Variants in FMNL2 observed in about 807,000 individuals in gnomAD.
FMNL2 encodes the protein formin like 2, also known as formin-like protein 2.
In FMNL2, 51 loss-of-function variants were observed where a neutral mutation model predicts 130.2. That is an observed-to-expected ratio of 0.39 (90% CI 0.31 to 0.49). The LOEUF is 0.49. Among genes scored for constraint, FMNL2 ranks in the 20% least tolerant of loss-of-function variants. FMNL2 has a pLI of 0.85. For synonymous variants in FMNL2, 465 were observed against 467.1 expected, an observed-to-expected ratio of 1.00 and a Z score of 0.06; for missense variants, 977 against 1,316.2, an observed-to-expected ratio of 0.74 and a Z score of 3.99.
At chr2:152,471,699 A>G (rs1689866362) in intron 1 of FMNL2, among the ~76,000 whole-genome samples, 1 of 152,062 alleles carries the variant, frequency 6.6e-6, no homozygotes. Flanking sequence ...CATATACTAG[A>G]TGGCTTGGAG....
At position 152,439,419 on chromosome 2, in the gene FMNL2, A is replaced by C. The variant is rs573227386; in HGVS notation, c.118-82524A>C. Among the ~76,000 whole-genome samples, 6 of 152,288 alleles carry C rather than the reference A, an allele frequency of 3.9e-5. No individual in the cohort carries two copies. The East Asian group carries it at 1.2e-3, about 29-fold the overall frequency. On this transcript the variant is annotated intron_variant, in intron 1 of 25. Transcript: ENST00000288670. Reference sequence around the variant, plus strand: ...ATGTGTGTGTTTTGGTTTTTTAATCAAGCCAGGTTTCATTTTCTTACTTTT... The same window carrying C: ...ATGTGTGTGTTTTGGTTTTTTAATCCAGCCAGGTTTCATTTTCTTACTTTT...
At chr2:152,590,798 G>A (rs1170196617) in intron 9 of FMNL2, among the ~76,000 whole-genome samples, 1 of 151,776 alleles carries the variant, frequency 6.6e-6, no homozygotes, top group Non-Finnish European at 1.5e-5. Flanking sequence ...AGGAGTAAGT[G>A]TAAAGATATA....
chr2:152,563,336 T>C (rs1695640412), intron 6 of FMNL2, among the ~76,000 whole-genome samples: 1 of 152,194 alleles, frequency 6.6e-6, no homozygotes, highest in Non-Finnish European at 1.5e-5. Flanking sequence ...AACAGAACAT[T>C]TAAATTTCCT....
At chr2:152,573,621 G>T (rs947888696) in intron 6 of FMNL2, among the ~76,000 whole-genome samples, 1 of 152,104 alleles carries the variant, frequency 6.6e-6, no homozygotes, top group African/African-American at 2.4e-5. Context: ...GTTATTGGTC[G>T]TGATGGAGGT....
rs192336896 is a variant in FMNL2 at position 152,444,283 on chromosome 2, C to A, written c.118-77660C>A. Among the ~76,000 whole-genome samples the A allele has an allele frequency of 5.9e-5, 9 of 152,120 alleles. No individual in the cohort carries two copies. In the South Asian group the frequency reaches 6.2e-4, roughly 11 times the overall value. ...TGAAGATTTGGAAGGGAGAGAAAAG[C>A]TGGATAGAGGCATGTCCATGGGAGT... On this transcript the variant is annotated intron_variant, in intron 1 of 25. Coordinates refer to ENST00000288670, the MANE Select transcript of FMNL2 (RefSeq NM_052905.4).
chr2:152,552,135 A>G (rs1316023552), intron 4 of FMNL2, among the ~76,000 whole-genome samples: 1 of 152,224 alleles, frequency 6.6e-6, no homozygotes, highest in Non-Finnish European at 1.5e-5. Flanking sequence ...AAATTAGTAT[A>G]ATACTTACAT....
rs777915315 is a variant in FMNL2, at chr2:152,628,527, G to A, written c.2394G>A (p.Leu798=). 6.2e-7 allele frequency: 1 copy of A among 1,613,606 alleles called. No homozygotes were observed. The highest frequency in any genetic ancestry group is 1.1e-5 in the South Asian group (1 of 91,076). ...IGNFAESIQM[L]TPQLHAIIAA... ...ACTTTGCTGAAAGCATTCAGATGCT[G>A]ACTCCTGTGAGTGGACTGACTCTGG... is the stretch of plus-strand genomic sequence containing the variant. The change falls in exon 18 of 26, where the codon CTG becomes CTA. Residue 798 remains leucine (L), a synonymous_variant. Coordinates refer to ENST00000288670, the MANE Select transcript of FMNL2 (RefSeq NM_052905.4).
intron 9 of FMNL2, among the ~76,000 whole-genome samples, chr2:152,583,107 A>T (rs1176112222): frequency 6.6e-6 from 1 of 152,226 alleles, no homozygotes; most frequent in Non-Finnish European, 1.5e-5. Context: ...GTATGTGCTT[A>T]ATTGAAGAAA....
Position 152,335,624 on chromosome 2 carries a change from G to C in FMNL2, c.21G>C (p.Met7Ile). The C allele has an allele frequency of 6.3e-7, 1 of 1,591,654 alleles. No individual in the cohort carries two copies. The highest frequency in any genetic ancestry group is 8.6e-7 in the Non-Finnish European group (1 of 1,168,996). Reference protein sequence around the residue: MGNAGSMDSQQTDFRAH... With the variant: MGNAGSIDSQQTDFRAH... ...CCGACATGGGCAACGCAGGGAGCAT[G>C]GATTCGCAGCAGACCGATTTCAGGG... The change falls in exon 1 of 26, where the codon ATG becomes ATC. Residue 7 changes from methionine to isoleucine, a missense_variant. Met to Ile is a conservative substitution (Grantham distance 10, BLOSUM62 1). Around this residue, in one of 4 missense-constraint regions of FMNL2, gnomAD observed 117 missense variants for 134.9 expected, o/e 0.87. Transcript: ENST00000288670.
intron 1 of FMNL2, among the ~76,000 whole-genome samples, chr2:152,452,813 G>T (rs1293984075): frequency 3.6e-5 from 5 of 138,686 alleles, no homozygotes; most frequent in Non-Finnish European, 6.7e-5. Context: ...CAGGTGAGAT[G>T]CAATTAGCCA....
At chr2:152,633,183 C>T (rs1682298930) in intron 21 of FMNL2, among the ~76,000 whole-genome samples, 1 of 151,776 alleles carries the variant, frequency 6.6e-6, no homozygotes, top group African/African-American at 2.4e-5. Context: ...GCAGTCCTGA[C>T]CTCCCAGGCT....
At chr2:152,365,587 C>A (rs903407173) in intron 1 of FMNL2, among the ~76,000 whole-genome samples, 1 of 152,060 alleles carries the variant, frequency 6.6e-6, no homozygotes. Context: ...GCTTGGCCAA[C>A]ATGGTGAAAC....
intron 3 of FMNL2, 23 bp downstream of exon 3, chr2:152,542,842 CTT>C (rs940259682): frequency 1.2e-6 from 2 of 1,610,130 alleles, no homozygotes; most frequent in African/African-American, 2.7e-5. Context: ...TGTTTCCACT[CTT>C]TGTTATTGCT....
chr2:152,499,956 CT>C (rs1440700726), intron 1 of FMNL2, among the ~76,000 whole-genome samples: 1 of 152,072 alleles, frequency 6.6e-6, no homozygotes, highest in Admixed American at 6.6e-5. Flanking sequence ...TTCTGAGTTT[CT>C]TTCTCTTTTT....
At chr2:152,424,483 T>C (rs559751204) in intron 1 of FMNL2, among the ~76,000 whole-genome samples, 4 of 151,586 alleles carry the variant, frequency 2.6e-5, no homozygotes, top group Non-Finnish European at 5.9e-5. Flanking sequence ...CTCCACCTCC[T>C]GGGTTCAAGT....
intron 1 of FMNL2, among the ~76,000 whole-genome samples, chr2:152,400,795 T>C (rs1266367442): frequency 1.3e-5 from 2 of 152,202 alleles, no homozygotes; most frequent in Non-Finnish European, 2.9e-5. Flanking sequence ...CCCAATTATG[T>C]CAACCAAAAA....
intron 1 of FMNL2, among the ~76,000 whole-genome samples, chr2:152,487,067 C>A (rs191667725): frequency 6.6e-6 from 1 of 152,256 alleles, no homozygotes; most frequent in African/African-American, 2.4e-5. Flanking sequence ...ACTCTGTGTT[C>A]TTCATATACC....
At chr2:152,586,451 G>A (rs1019748102) in intron 9 of FMNL2, among the ~76,000 whole-genome samples, 3 of 152,214 alleles carry the variant, frequency 2.0e-5, no homozygotes, top group African/African-American at 7.2e-5. Flanking sequence ...GGAGAGTGAA[G>A]ATTTTGGTGT....
At chr2:152,644,681 C>T (rs1347415454) in intron 25 of FMNL2, among the ~76,000 whole-genome samples, 2 of 152,200 alleles carry the variant, frequency 1.3e-5, no homozygotes, top group African/African-American at 2.4e-5. Flanking sequence ...ATCTCATTCA[C>T]GCATCTTCAC....
Sources: gnomAD v4.1 joint callset for allele counts (sites outside exome capture counted in the v4.1 genomes callset) on GRCh38, gnomAD v4.1.1 for gene constraint, gnomAD v4.1.1 regional missense constraint, MANE v1.5 for transcripts, NCBI Gene and HGNC (gene_info 2026-07-23, HGNC 2026-07-21) for gene names.